Variants in SPIRE1 observed in about 807,000 individuals in gnomAD.
SPIRE1 encodes the protein spire type actin nucleation factor 1.
A neutral mutation model predicts 94.1 loss-of-function variants in SPIRE1; 40 were observed. The ratio of observed to expected loss-of-function variants is 0.43; its 90% CI spans 0.33 to 0.55. The LOEUF (loss-of-function observed/expected upper bound fraction) is 0.55, where lower values mean the gene tolerates loss of function less well. SPIRE1 is among the 20% of genes least tolerant of loss of function. The pLI, the probability that SPIRE1 is intolerant of heterozygous loss-of-function variation, is 0.06. For synonymous variants in SPIRE1, 376 were observed against 371.7 expected (o/e 1.01, Z -0.13); for missense variants, 838 against 975.2 (o/e 0.86, Z 1.87).
intron 2 of SPIRE1, among the ~76,000 whole-genome samples, chr18:12,561,777 AC>A (rs1181810065): frequency 6.6e-6 from 1 of 152,240 alleles, no homozygotes; most frequent in African/African-American, 2.4e-5. Context: ...TATAATCAAC[AC>A]ATTAATATTC....
At chr18:12,483,044 G>A (rs1187154928) in intron 9 of SPIRE1, among the ~76,000 whole-genome samples, 4 of 151,326 alleles carry the variant, frequency 2.6e-5, no homozygotes, top group Admixed American at 6.6e-5. Flanking sequence ...GGGCTCAGGC[G>A]ATCCTCCCAC....
chr18:12,634,197 G>A (rs11663289), intron 2 of SPIRE1, among the ~76,000 whole-genome samples: 12,451 of 151,734 alleles, frequency 0.082, 641 homozygotes, highest in Middle Eastern at 0.16. Flanking sequence ...GCAGTGAGCT[G>A]AGATCGTGCC....
intron 2 of SPIRE1, among the ~76,000 whole-genome samples, chr18:12,632,025 ACAGAGCAAGACTCTGTCTC>A (rs2037795242): frequency 6.9e-6 from 1 of 145,644 alleles, no homozygotes; most frequent in Admixed American, 6.9e-5. Flanking sequence ...AGCCTGGGTG[ACAGAGCAAGACTCTGTCTC>A]CAAAAAAAAA....
intron 2 of SPIRE1, among the ~76,000 whole-genome samples, chr18:12,577,078 A>C (rs1256671998): frequency 6.6e-6 from 1 of 152,142 alleles, no homozygotes; most frequent in Admixed American, 6.5e-5. Context: ...GTGCTGAAAC[A>C]ACTGGGTATC....
At chr18:12,602,312 C>T (rs966562658) in intron 2 of SPIRE1, among the ~76,000 whole-genome samples, 2 of 152,138 alleles carry the variant, frequency 1.3e-5, no homozygotes, top group Admixed American at 1.3e-4. Flanking sequence ...AATGCATACT[C>T]AAAAGGTTTC....
intron 4 of SPIRE1, among the ~76,000 whole-genome samples, chr18:12,521,167 C>T (rs1007257841): frequency 3.9e-5 from 6 of 152,104 alleles, no homozygotes; most frequent in African/African-American, 1.4e-4. Context: ...ACTTTATATA[C>T]ATGAATATAG....
intron 3 of SPIRE1, among the ~76,000 whole-genome samples, chr18:12,536,495 G>A (rs1389258387): frequency 1.3e-5 from 2 of 150,322 alleles, no homozygotes; most frequent in African/African-American, 4.9e-5. Flanking sequence ...AATACATGTC[G>A]AATTTTGTAA....
rs751621843 is a variant in SPIRE1, at chr18:12,535,569, A to G, written c.636T>C (p.Asp212=). 16 of 1,613,274 alleles carry G rather than the reference A, an allele frequency of 9.9e-6. No individual in the cohort carries two copies. The South Asian group carries it at 1.6e-4, about 17-fold the overall frequency. ...ATACTGCCTGATAATGATTTGGTGC[A>G]TCTGATTCAGTAGGGAGATGAGCAG... ...LCAAHLPTES[D]APNHYQAVCR... Residue 212 remains aspartate (D), a synonymous_variant, in exon 4 of 17, where the codon GAT becomes GAC. Coordinates refer to ENST00000409402, the MANE Select transcript of SPIRE1 (RefSeq NM_001128626.2).
At chr18:12,539,429 G>A (rs2034943196) in intron 3 of SPIRE1, among the ~76,000 whole-genome samples, 1 of 152,206 alleles carries the variant, frequency 6.6e-6, no homozygotes, top group South Asian at 2.1e-4. Flanking sequence ...ACGTGGAACT[G>A]TGAGTCCATT....
chr18:12,654,669 T>C (rs1295498899), intron 1 of SPIRE1, among the ~76,000 whole-genome samples: 2 of 151,248 alleles, frequency 1.3e-5, no homozygotes, highest in Non-Finnish European at 2.9e-5. Flanking sequence ...AAAAAAAAAT[T>C]ATTTTTACTT....
chr18:12,637,125 C>T (rs544985207), intron 1 of SPIRE1, among the ~76,000 whole-genome samples: 3 of 152,114 alleles, frequency 2.0e-5, no homozygotes, highest in Non-Finnish European at 2.9e-5. Flanking sequence ...TTTGGGAGAC[C>T]GAGGCAGACA....
chr18:12,449,929 G>C (rs764591216), intron 16 of SPIRE1, 33 bp from the exon 17 acceptor site: 45 of 1,604,586 alleles, frequency 2.8e-5, no homozygotes, highest in Non-Finnish European at 3.7e-5. Flanking sequence ...GCCCAGCATT[G>C]TTACTTATAG....
chr18:12,618,302 G>A (rs2037370516), intron 2 of SPIRE1, among the ~76,000 whole-genome samples: 1 of 151,826 alleles, frequency 6.6e-6, no homozygotes, highest in African/African-American at 2.4e-5. Flanking sequence ...GAGTTTCCCC[G>A]TGTTAGCCAG....
intron 5 of SPIRE1, among the ~76,000 whole-genome samples, chr18:12,509,361 A>C (rs2033949103): frequency 6.6e-6 from 1 of 152,168 alleles, no homozygotes; most frequent in Admixed American, 6.5e-5. Flanking sequence ...TTTTTACTTT[A>C]AGTTTATACT....
intron 2 of SPIRE1, among the ~76,000 whole-genome samples, chr18:12,602,990 C>T (rs1367391142): frequency 6.6e-6 from 1 of 152,122 alleles, no homozygotes; most frequent in Non-Finnish European, 1.5e-5. Context: ...GAGTTACATC[C>T]TGATAAGCTC....
At chr18:12,457,852 T>A (rs1455052382) in intron 12 of SPIRE1, among the ~76,000 whole-genome samples, 1 of 150,282 alleles carries the variant, frequency 6.7e-6, no homozygotes, top group Non-Finnish European at 1.5e-5. Context: ...TTTTCTTTTT[T>A]TTTTTTTTTT....
intron 10 of SPIRE1, among the ~76,000 whole-genome samples, chr18:12,469,150 C>A (rs932029020): frequency 6.6e-6 from 1 of 152,094 alleles, no homozygotes; most frequent in Non-Finnish European, 1.5e-5. Context: ...GGGGAATTAA[C>A]ATTTCAGTTT....
intron 4 of SPIRE1, among the ~76,000 whole-genome samples, chr18:12,529,962 T>TG: frequency 6.6e-6 from 1 of 152,338 alleles, no homozygotes; most frequent in East Asian, 1.9e-4. Context: ...ACCAGTAGAT[T>TG]GTGAAAATAA....
At chr18:12,636,393 A>G (rs1189211787) in intron 1 of SPIRE1, 2 of 152,184 alleles carry the variant, frequency 1.3e-5, no homozygotes, top group African/African-American at 2.4e-5. Flanking sequence ...TAGAATTTCT[A>G]TGCCTCAGAC....
Sources: allele counts gnomAD v4.1 joint callset (sites outside exome capture counted in the v4.1 genomes callset), GRCh38; gene constraint gnomAD v4.1.1; transcripts MANE v1.5; gene names NCBI Gene and HGNC (gene_info 2026-07-23, HGNC 2026-07-21).